The following MMD2 variants were observed in gnomAD, a reference collection of about 807,000 sequenced individuals.
MMD2 encodes monocyte to macrophage differentiation associated 2.
Under a neutral mutation model 33.5 loss-of-function variants are expected in MMD2, and 30 were observed. The observed-to-expected ratio is 0.90, with a 90% CI of 0.67 to 1.22. MMD2 has a LOEUF of 1.22. MMD2 is among the 50% of genes most tolerant of loss of function. The pLI is 0.00. For synonymous variants in MMD2, 129 were observed against 123.0 expected (o/e 1.05, Z -0.32); for missense variants, 364 against 325.4 (o/e 1.12, Z -0.91).
At chr7:4,953,029 A>G (rs146408251) in intron 1 of MMD2, among the ~76,000 whole-genome samples, 2 of 151,664 alleles carry the variant, frequency 1.3e-5, no homozygotes, top group Non-Finnish European at 1.5e-5. Flanking sequence ...TTTTAGAGAC[A>G]TGGTCTCGAT....
chr7:4,958,859 A>G (rs1786460527), intron 1 of MMD2, 112 bp downstream of exon 1: 2 of 935,152 alleles, frequency 2.1e-6, no homozygotes, highest in Non-Finnish European at 2.8e-6. Flanking sequence ...GGGTCCGCCG[A>G]TCCCCTCTAG....
At chr7:4,904,610 T>C (rs943387604), downstream of MMD2, among the ~76,000 whole-genome samples, 1 of 152,170 alleles carries the variant, frequency 6.6e-6, no homozygotes, top group Admixed American at 6.6e-5. Flanking sequence ...TTGCTTTCCA[T>C]TGGAAAGCCA....
intron 1 of MMD2, among the ~76,000 whole-genome samples, chr7:4,952,198 C>G (rs1270900218): frequency 6.6e-6 from 1 of 152,194 alleles, no homozygotes; most frequent in Non-Finnish European, 1.5e-5. Context: ...TGCAGTCTGG[C>G]TGGGGAGAGG....
the MMD2 span, among the ~76,000 whole-genome samples, chr7:4,898,284 A>C: frequency 6.6e-6 from 1 of 152,150 alleles, no homozygotes; most frequent in Non-Finnish European, 1.5e-5. Flanking sequence ...GCCTGGGGGC[A>C]CTCTGGATCC....
intron 1 of MMD2, among the ~76,000 whole-genome samples, chr7:4,938,306 G>A (rs1433026476): frequency 6.6e-6 from 1 of 152,006 alleles, no homozygotes; most frequent in Non-Finnish European, 1.5e-5. Context: ...ACCACGCCCG[G>A]CCCAACAATT....
At chr7:4,898,351 G>C in the MMD2 span, among the ~76,000 whole-genome samples, 2 of 152,162 alleles carry the variant, frequency 1.3e-5, no homozygotes, top group Non-Finnish European at 2.9e-5. Context: ...ACTAAGCACT[G>C]ATTACCAACA....
downstream of MMD2, among the ~76,000 whole-genome samples, chr7:4,904,469 G>T (rs549002688): frequency 2.6e-5 from 4 of 152,280 alleles, no homozygotes; most frequent in Non-Finnish European, 5.9e-5. Context: ...TGGAGTGAGG[G>T]GAGGAAATGT....
chr7:4,945,188 C>A (rs182408273), intron 1 of MMD2, among the ~76,000 whole-genome samples: 1 of 119,350 alleles, frequency 8.4e-6, no homozygotes, highest in African/African-American at 3.3e-5. Flanking sequence ...CTTCCTCTTT[C>A]TTCTTCTTCT....
intron 1 of MMD2, among the ~76,000 whole-genome samples, chr7:4,931,271 G>A (rs997250767): frequency 2.0e-5 from 3 of 151,038 alleles, no homozygotes; most frequent in East Asian, 1.9e-4. Flanking sequence ...TCAGCCTCCC[G>A]AGTAGCTGGG....
chr7:4,955,052 T>C (rs1462148648), intron 1 of MMD2, among the ~76,000 whole-genome samples: 1 of 152,180 alleles, frequency 6.6e-6, no homozygotes, highest in Non-Finnish European at 1.5e-5. Context: ...GATGGGATCT[T>C]GCTATGTTGC....
At chr7:4,894,175 G>T in the MMD2 span, among the ~76,000 whole-genome samples, 3 of 152,206 alleles carry the variant, frequency 2.0e-5, no homozygotes, top group East Asian at 1.9e-4. The surrounding 1 kb of genome is among the most constrained non-coding windows in gnomAD (Gnocchi z 4.3). Flanking sequence ...GACCTCCAAG[G>T]CCAGATCATA....
chr7:4,943,383 T>G (rs1263818697), intron 1 of MMD2, among the ~76,000 whole-genome samples: 1 of 152,100 alleles, frequency 6.6e-6, no homozygotes, highest in Non-Finnish European at 1.5e-5. Context: ...GACCTCGTGA[T>G]CCACCTGCCT....
intron 1 of MMD2, among the ~76,000 whole-genome samples, chr7:4,954,057 C>G (rs1222194518): frequency 6.6e-6 from 1 of 152,054 alleles, no homozygotes; most frequent in Non-Finnish European, 1.5e-5. Flanking sequence ...GTCTCAAACT[C>G]CTGGCCTCCA....
chr7:4,939,997 C>A (rs1195865881), intron 1 of MMD2, among the ~76,000 whole-genome samples: 1 of 152,210 alleles, frequency 6.6e-6, no homozygotes, highest in East Asian at 1.9e-4. Context: ...CTGCCTTGGC[C>A]TCCCAAAGCG....
At chr7:4,944,575 G>A (rs934330106) in intron 1 of MMD2, among the ~76,000 whole-genome samples, 2 of 152,066 alleles carry the variant, frequency 1.3e-5, no homozygotes, top group African/African-American at 2.4e-5. Context: ...ACTTGGAATG[G>A]CCATTCTCCA....
At chr7:4,921,763 C>T (rs1785291702) in intron 2 of MMD2, among the ~76,000 whole-genome samples, 1 of 152,126 alleles carries the variant, frequency 6.6e-6, no homozygotes. Context: ...GCCTCCCCGA[C>T]ACCCAGGCTG....
chr7:4,920,362 C>T (rs1368157894), intron 2 of MMD2, 31 bp from the exon 3 acceptor site: 1 of 1,593,250 alleles, frequency 6.3e-7, no homozygotes, highest in South Asian at 1.1e-5. Context: ...GGGACAGGTG[C>T]AGCAGCTGGG....
intron 1 of MMD2, among the ~76,000 whole-genome samples, chr7:4,939,446 G>C (rs567017144): frequency 2.6e-5 from 4 of 152,112 alleles, no homozygotes; most frequent in African/African-American, 9.6e-5. Context: ...AGGAGGCTGA[G>C]GTGGGAGAAT....
chr7:4,927,193 C>T (rs758713635), intron 1 of MMD2, among the ~76,000 whole-genome samples: 1 of 152,090 alleles, frequency 6.6e-6, no homozygotes, highest in African/African-American at 2.4e-5. Context: ...TTTTGGTGAA[C>T]ACGCGCACTT....
Sources: allele counts gnomAD v4.1 joint callset (sites outside exome capture counted in the v4.1 genomes callset), GRCh38; gene constraint gnomAD v4.1.1; non-coding constraint Gnocchi (gnomAD v3.1); transcripts MANE v1.5; gene names NCBI Gene and HGNC (gene_info 2026-07-23, HGNC 2026-07-21).